ZBTB44: variants seen among roughly 807,000 people sequenced by gnomAD.
ZBTB44 encodes the protein zinc finger and BTB domain-containing protein 44.
Under a neutral mutation model 54.0 loss-of-function variants are expected in ZBTB44, and 15 were observed. The observed-to-expected ratio is 0.28, with a 90% confidence interval of 0.19 to 0.43. The LOEUF (loss-of-function observed/expected upper bound fraction) is 0.43, where lower values mean the gene tolerates loss of function less well. Among genes scored for constraint, ZBTB44 ranks in the 20% least tolerant of loss-of-function variants. ZBTB44 has a pLI of 1.00. For missense variants in ZBTB44, 487 were observed against 707.1 expected, an observed-to-expected ratio of 0.69 and a Z score of 3.53; for synonymous variants, 230 against 250.1, an observed-to-expected ratio of 0.92 and a Z score of 0.76.
intron 1 of ZBTB44, among the ~76,000 whole-genome samples, chr11:130,264,113 T>C (rs1939075072): frequency 6.6e-6 from 1 of 152,218 alleles, no homozygotes; most frequent in African/African-American, 2.4e-5. Flanking sequence ...ACCCTCTGTA[T>C]CTTACTATAT....
At chr11:130,274,251 C>T (rs1482260567) in intron 1 of ZBTB44, among the ~76,000 whole-genome samples, 1 of 152,140 alleles carries the variant, frequency 6.6e-6, no homozygotes, top group African/African-American at 2.4e-5. Flanking sequence ...CACTTTGGCG[C>T]ATTTCAAATT....
intron 1 of ZBTB44, among the ~76,000 whole-genome samples, chr11:130,288,309 G>C (rs1434587294): frequency 6.6e-6 from 1 of 151,990 alleles, no homozygotes; most frequent in Admixed American, 6.6e-5. Context: ...AGGAGGTAGA[G>C]GTTGCAGTGA....
rs1953803422 is a variant in ZBTB44 at position 130,229,685 on chromosome 11, C to T, written c.*2079G>A. The T allele has an allele frequency of 6.6e-6, 1 of 152,184 alleles. No individual in the cohort carries two copies. The highest frequency in any genetic ancestry group is 6.5e-5 in the Admixed American group (1 of 15,276). 9.4% of individuals were successfully genotyped at this position (152,184 alleles called of 1,614,324 possible). The stretch of plus-strand genomic sequence containing the variant: ...TGCCACAACAGAGCTTCCTTGTTAC[C>T]CCAATTTTGTTTCACTGCTTCAGAA... On this transcript the variant is annotated 3_prime_UTR_variant, in exon 8 of 8. Transcript: ENST00000357899.
In ZBTB44 at chr11:130,260,886, G is replaced by A. The variant is rs549735359; in HGVS notation, c.988C>T (p.Leu330Phe). 6 of 1,613,772 alleles carry A rather than the reference G, an allele frequency of 3.7e-6. No individual in the cohort carries two copies. Among genetic ancestry groups the A allele is most frequent in the South Asian group, 2.2e-5 (2 of 91,056 alleles). ...VPGSEQVQED[L>F]LISPQSSSIG... ...GAGGAAGACTGTGGACTAATCAGAAGGTCCTCTTGGACTTGTTCACTTCCT... is the reference window on the plus strand; with the variant it reads ...GAGGAAGACTGTGGACTAATCAGAAAGTCCTCTTGGACTTGTTCACTTCCT... The change falls in exon 2 of 8, where the codon CTT (leucine) becomes TTT (phenylalanine). Residue 330 changes from leucine to phenylalanine, a missense_variant. By Grantham distance (22) the Leu-to-Phe change is conservative. This residue lies in a region of ZBTB44 where 277 missense variants were observed against 306.5 expected (regional missense o/e 0.90). Transcript: ENST00000357899.
At chr11:130,254,551 T>C (rs1445509290) in intron 2 of ZBTB44, among the ~76,000 whole-genome samples, 12 of 152,146 alleles carry the variant, frequency 7.9e-5, no homozygotes, top group Admixed American at 5.9e-4. Flanking sequence ...GTTAGAATGG[T>C]GATCATTAAA....
At chr11:130,280,420 T>G (rs1211274407) in intron 1 of ZBTB44, among the ~76,000 whole-genome samples, 1 of 152,144 alleles carries the variant, frequency 6.6e-6, no homozygotes. Flanking sequence ...ATTCTGTGTA[T>G]ATACCTTAAA....
At chr11:130,280,933 G>A (rs1023978018) in intron 1 of ZBTB44, among the ~76,000 whole-genome samples, 2 of 152,244 alleles carry the variant, frequency 1.3e-5, no homozygotes, top group South Asian at 2.1e-4. Flanking sequence ...TTGAGGGAAA[G>A]GACAATCTCG....
chr11:130,240,024 C>A, intron 2 of ZBTB44, 128 bp from the exon 3 acceptor site: 2 of 591,942 alleles, frequency 3.4e-6, no homozygotes, highest in Non-Finnish European at 2.9e-6. Context: ...AATTATTAAT[C>A]CAAAGTAGTG....
chr11:130,257,683 G>C (rs1938553513), intron 2 of ZBTB44, among the ~76,000 whole-genome samples: 1 of 152,112 alleles, frequency 6.6e-6, no homozygotes. Flanking sequence ...GCGGTACTTT[G>C]TTGCAGCAGC....
intron 2 of ZBTB44, 49 bp from the exon 3 acceptor site, chr11:130,239,945 C>G (rs1299700350): frequency 8.0e-6 from 11 of 1,374,968 alleles, no homozygotes; most frequent in Non-Finnish European, 1.0e-5. Context: ...TGTGAATAAG[C>G]CAAGATTGTA....
At chr11:130,293,961 T>G (rs1941471014) in intron 1 of ZBTB44, among the ~76,000 whole-genome samples, 1 of 152,198 alleles carries the variant, frequency 6.6e-6, no homozygotes, top group East Asian at 1.9e-4. Flanking sequence ...AAACATTAAA[T>G]GATTAGAATT....
chr11:130,289,514 C>T (rs17139281), intron 1 of ZBTB44, among the ~76,000 whole-genome samples: 9,249 of 143,240 alleles, frequency 0.065, 701 homozygotes, highest in African/African-American at 0.18. Context: ...AGGTAAAAGA[C>T]GGTGGTCAAG....
Position 130,238,434 on chromosome 11 carries a change from G to A in ZBTB44, c.1267+10C>T. 6.2e-7 allele frequency: 1 copy of A among 1,601,540 alleles called. No homozygotes were observed. The highest frequency in any genetic ancestry group is 8.5e-7 in the Non-Finnish European group (1 of 1,174,128). On this transcript the variant is annotated intron_variant, in intron 4 of 7. Transcript: ENST00000357899. Reference sequence around the variant, plus strand: ...GTTCACTTACGCACCAACAGGGAAGGTGACATTACCTGAGTGGATGAGCAT... The same window carrying A: ...GTTCACTTACGCACCAACAGGGAAGATGACATTACCTGAGTGGATGAGCAT...
intron 1 of ZBTB44, among the ~76,000 whole-genome samples, chr11:130,270,824 C>T (rs79541131): frequency 0.041 from 6,228 of 152,208 alleles, 315 homozygotes; most frequent in African/African-American, 0.12. Context: ...AGAAATGTTT[C>T]AATTTTGGAT....
At chr11:130,296,128 A>G (rs1941626872) in intron 1 of ZBTB44, 1 of 1,513,014 alleles carries the variant, frequency 6.6e-7, no homozygotes, top group Non-Finnish European at 9.1e-7. Context: ...TAGACAGACT[A>G]TGCTCTTTTC....
intron 1 of ZBTB44, among the ~76,000 whole-genome samples, chr11:130,267,135 A>C (rs1251464276): frequency 6.6e-6 from 1 of 151,960 alleles, no homozygotes; most frequent in Non-Finnish European, 1.5e-5. Context: ...GTGACGTCAC[A>C]TGCCTGTAGT....
chr11:130,237,120 TA>T (rs778396441), intron 4 of ZBTB44, 27 bp from the exon 5 acceptor site: 1 of 1,452,594 alleles, frequency 6.9e-7, no homozygotes, highest in Admixed American at 2.6e-5. Flanking sequence ...ACAAAATATC[TA>T]AAAACAAAAA....
intron 2 of ZBTB44, among the ~76,000 whole-genome samples, chr11:130,253,817 C>T (rs184287050): frequency 6.6e-6 from 1 of 152,306 alleles, no homozygotes; most frequent in African/African-American, 2.4e-5. Context: ...TGACTTCAAG[C>T]TATACTACAA....
At chr11:130,314,046 G>A (rs2134586631) in intron 1 of ZBTB44, among the ~76,000 whole-genome samples, 1 of 148,132 alleles carries the variant, frequency 6.8e-6, no homozygotes, top group East Asian at 2.0e-4. Flanking sequence ...AAACAGGTCT[G>A]AGCCTCCCGG....
Sources: allele counts gnomAD v4.1 joint callset (sites outside exome capture counted in the v4.1 genomes callset), GRCh38; gene constraint gnomAD v4.1.1; regional missense constraint gnomAD v4.1.1; transcripts MANE v1.5; gene names NCBI Gene and HGNC (gene_info 2026-07-23, HGNC 2026-07-21).